The following OSBPL10 variants were observed in gnomAD, a reference collection of about 807,000 sequenced individuals.
OSBPL10 encodes the protein oxysterol binding protein like 10, also known as oxysterol-binding protein-related protein 10.
In OSBPL10, 49 loss-of-function variants were observed where a neutral mutation model predicts 81.7. That is an observed-to-expected ratio of 0.60 (90% CI 0.48 to 0.76). The LOEUF is 0.76. Ranked by LOEUF, OSBPL10 falls within the 30% of genes least tolerant of loss-of-function variation. The pLI is 0.00. For synonymous variants in OSBPL10, 419 were observed against 383.6 expected, an observed-to-expected ratio of 1.09 and a Z score of -1.08; for missense variants, 923 against 987.8, an observed-to-expected ratio of 0.93 and a Z score of 0.88.
intron 8 of OSBPL10, among the ~76,000 whole-genome samples, chr3:31,681,360 A>C (rs1439306169): frequency 1.3e-5 from 2 of 152,234 alleles, no homozygotes; most frequent in Non-Finnish European, 2.9e-5. Flanking sequence ...AACCTAACAG[A>C]GAAGTGGAAC....
At chr3:31,956,923 A>T (rs1559531577) in intron 1 of OSBPL10, among the ~76,000 whole-genome samples, 1 of 152,108 alleles carries the variant, frequency 6.6e-6, no homozygotes, top group Non-Finnish European at 1.5e-5. Flanking sequence ...GCTTGAGTCC[A>T]GAAGTTCAAG....
At chr3:31,827,350 G>A (rs144124349) in intron 4 of OSBPL10, among the ~76,000 whole-genome samples, 2,464 of 152,010 alleles carry the variant, frequency 0.016, 68 homozygotes, top group African/African-American at 0.056. Context: ...AATTTAGATC[G>A]CTCTGGCCAG....
intron 1 of OSBPL10, among the ~76,000 whole-genome samples, chr3:31,926,148 T>C (rs1487597501): frequency 6.6e-6 from 1 of 152,332 alleles, no homozygotes; most frequent in African/African-American, 2.4e-5. Context: ...TCTGTATACT[T>C]GGTTTTGCAC....
chr3:31,948,812 G>A (rs888726278), intron 1 of OSBPL10, among the ~76,000 whole-genome samples: 1 of 152,140 alleles, frequency 6.6e-6, no homozygotes, highest in Non-Finnish European at 1.5e-5. Flanking sequence ...ATTCAAGAAG[G>A]AATTGACTTA....
At chr3:32,009,701 C>T (rs6550093) in intron 2 of OSBPL10, among the ~76,000 whole-genome samples, 12,282 of 152,162 alleles carry the variant, frequency 0.081, 1,324 homozygotes, top group African/African-American at 0.25. Context: ...CCAATATGGA[C>T]GGATGCGAGG....
chr3:32,040,561 C>A (rs1307712022), intron 2 of OSBPL10, among the ~76,000 whole-genome samples: 2 of 152,066 alleles, frequency 1.3e-5, no homozygotes, highest in East Asian at 3.9e-4. Context: ...ATAGGCCAGA[C>A]ACAGTGGCTC....
upstream of OSBPL10, among the ~76,000 whole-genome samples, chr3:31,985,387 C>A (rs1206979129): frequency 6.6e-6 from 1 of 152,066 alleles, no homozygotes; most frequent in African/African-American, 2.4e-5. Flanking sequence ...CATCACAGAC[C>A]ATGTAAAGAT....
intron 4 of OSBPL10, among the ~76,000 whole-genome samples, chr3:31,755,668 G>A (rs1478351399): frequency 6.6e-6 from 1 of 152,126 alleles, no homozygotes; most frequent in Admixed American, 6.5e-5. Flanking sequence ...GAGATGAGAG[G>A]GATGGAACAA....
Position 31,689,146 on chromosome 3 carries a change from G to A in OSBPL10, c.1246-5032C>T, listed in dbSNP as rs1480705816. Among the ~76,000 whole-genome samples, 5 of 151,924 alleles carry A rather than the reference G, an allele frequency of 3.3e-5. No individual in the cohort carries two copies. In the South Asian group the frequency reaches 1.0e-3, roughly 32 times the overall value. On this transcript the variant is annotated intron_variant, in intron 7 of 11. Coordinates refer to ENST00000396556, the MANE Select transcript of OSBPL10 (RefSeq NM_017784.5). ...AAAAAAAAAGTCAAATCCAAACTGAGGAACAGTTTGGAAAACAAAAATGAA... is the reference window on the plus strand; with the variant it reads ...AAAAAAAAAGTCAAATCCAAACTGAAGAACAGTTTGGAAAACAAAAATGAA...
At chr3:31,677,661 G>A (rs1402976971) in intron 8 of OSBPL10, among the ~76,000 whole-genome samples, 1 of 152,182 alleles carries the variant, frequency 6.6e-6, no homozygotes, top group East Asian at 1.9e-4. Context: ...CTGTGGTCCT[G>A]GGCTGGGTAA....
chr3:31,816,638 T>C (rs1699840749), intron 4 of OSBPL10, among the ~76,000 whole-genome samples: 1 of 152,194 alleles, frequency 6.6e-6, no homozygotes, highest in Non-Finnish European at 1.5e-5. Flanking sequence ...CTTTTCTTCC[T>C]GGAAACATCT....
chr3:32,040,079 C>T (rs1278232773), intron 2 of OSBPL10, among the ~76,000 whole-genome samples: 1 of 152,186 alleles, frequency 6.6e-6, no homozygotes, highest in African/African-American at 2.4e-5. Flanking sequence ...GACTCAACAA[C>T]TCCACTCCTA....
chr3:31,689,593 G>C (rs545656388), intron 7 of OSBPL10, among the ~76,000 whole-genome samples: 3 of 152,204 alleles, frequency 2.0e-5, no homozygotes, highest in South Asian at 2.1e-4. Context: ...CAATTCCCAC[G>C]TGTCGTGGGA....
chr3:31,778,585 T>C (rs1267023115), intron 4 of OSBPL10, among the ~76,000 whole-genome samples: 1 of 152,044 alleles, frequency 6.6e-6, no homozygotes, highest in Non-Finnish European at 1.5e-5. Flanking sequence ...TAAGAATAAC[T>C]GGTGTTCCTG....
chr3:32,017,751 T>C (rs1699328370), intron 2 of OSBPL10, among the ~76,000 whole-genome samples: 1 of 152,226 alleles, frequency 6.6e-6, no homozygotes, highest in African/African-American at 2.4e-5. Context: ...TGTCATTTGC[T>C]GAAATAATTT....
Position 31,964,956 on chromosome 3 carries a change from T to C in OSBPL10, c.281+15943A>G, listed in dbSNP as rs367648878. ...AAAATTTTTAAAGTCAGTCATGATA[T>C]AGAACTGAACATTATCAACTGAATC... On this transcript the variant is annotated intron_variant, in intron 1 of 11. Transcript: ENST00000396556. Among the ~76,000 whole-genome samples the C allele has an allele frequency of 1.9e-4, 29 of 152,328 alleles. No homozygotes were observed. In the East Asian group the frequency reaches 3.9e-3, roughly 20 times the overall value.
At chr3:32,029,624 A>G (rs1157482604) in intron 2 of OSBPL10, among the ~76,000 whole-genome samples, 1 of 152,210 alleles carries the variant, frequency 6.6e-6, no homozygotes, top group Non-Finnish European at 1.5e-5. Context: ...TATAAAGGCC[A>G]TTGATATACT....
intron 4 of OSBPL10, among the ~76,000 whole-genome samples, chr3:31,770,340 A>T (rs1698343414): frequency 6.6e-6 from 1 of 152,208 alleles, no homozygotes; most frequent in African/African-American, 2.4e-5. Context: ...ATTAAAAAAT[A>T]ATCGACCCAA....
chr3:31,774,537 C>CAG (rs113490802), intron 4 of OSBPL10, among the ~76,000 whole-genome samples: 118,190 of 151,582 alleles, frequency 0.78, 46,129 homozygotes, highest in East Asian at 0.8. Context: ...GTTTTTGAGA[C>CAG]AGTCTTGCTC....
Sources: gnomAD v4.1 joint callset for allele counts (sites outside exome capture counted in the v4.1 genomes callset) on GRCh38, gnomAD v4.1.1 for gene constraint, MANE v1.5 for transcripts, NCBI Gene and HGNC (gene_info 2026-07-23, HGNC 2026-07-21) for gene names.